DCT: variants seen among roughly 807,000 people sequenced by gnomAD.
DCT encodes the protein L-dopachrome tautomerase.
A neutral mutation model predicts 53.0 loss-of-function variants in DCT; 47 were observed. That is an observed-to-expected ratio of 0.89 (90% CI 0.70 to 1.13). The LOEUF (loss-of-function observed/expected upper bound fraction) is 1.13, where lower values mean the gene tolerates loss of function less well. Among genes scored for constraint, DCT ranks in the 50% most tolerant of loss-of-function variants. DCT has a pLI of 0.00. For missense variants in DCT, 669 were observed against 637.4 expected, an observed-to-expected ratio of 1.05 and a Z score of -0.53; for synonymous variants, 244 against 237.0, an observed-to-expected ratio of 1.03 and a Z score of -0.27.
the DCT span, among the ~76,000 whole-genome samples, chr13:94,502,794 ACT>A: frequency 7.2e-3 from 1,096 of 151,550 alleles, 9 homozygotes; most frequent in South Asian, 0.055. Context: ...TCCTCGCTGC[ACT>A]CTCTCCGAAA....
chr13:94,547,570 C>G, the DCT span, among the ~76,000 whole-genome samples: 2 of 152,060 alleles, frequency 1.3e-5, no homozygotes, highest in African/African-American at 2.4e-5. Flanking sequence ...CTAACATTAC[C>G]TTGGGCAGAG....
At chr13:94,474,333 G>C (rs965709067) in intron 1 of DCT, among the ~76,000 whole-genome samples, 1 of 152,118 alleles carries the variant, frequency 6.6e-6, no homozygotes, top group Non-Finnish European at 1.5e-5. Flanking sequence ...AAAGCCATTA[G>C]ACTAAATAAG....
At chr13:94,491,937 C>T in the DCT span, among the ~76,000 whole-genome samples, 1 of 152,296 alleles carries the variant, frequency 6.6e-6, no homozygotes, top group African/African-American at 2.4e-5. Context: ...CCAATACTCT[C>T]AAGTGAGAAA....
intron 6 of DCT, among the ~76,000 whole-genome samples, chr13:94,458,201 T>C (rs1188757494): frequency 6.6e-6 from 1 of 152,096 alleles, no homozygotes; most frequent in African/African-American, 2.4e-5. Context: ...TACCCACTCA[T>C]AGAATCAGGA....
At chr13:94,469,812 C>T (rs1884514735) in intron 1 of DCT, among the ~76,000 whole-genome samples, 1 of 152,158 alleles carries the variant, frequency 6.6e-6, no homozygotes, top group East Asian at 1.9e-4. Context: ...CGGTGGCTCA[C>T]GCCTGTAATC....
upstream of DCT, among the ~76,000 whole-genome samples, chr13:94,481,304 T>C (rs901477336): frequency 6.6e-6 from 1 of 152,184 alleles, no homozygotes; most frequent in African/African-American, 2.4e-5. Context: ...GGACATATCT[T>C]TTGGGGAAGT....
At chr13:94,522,500 T>TTATA in the DCT span, among the ~76,000 whole-genome samples, 407 of 151,604 alleles carry the variant, frequency 2.7e-3, no homozygotes, top group African/African-American at 9.6e-3. Context: ...AAATTCCCCT[T>TTATA]TATATATATA....
the DCT span, among the ~76,000 whole-genome samples, chr13:94,511,983 C>T: frequency 2.2e-3 from 338 of 152,246 alleles, no homozygotes; most frequent in Middle Eastern, 3.4e-3. Context: ...TCCACCTCCA[C>T]CTCCTGAGTA....
At chr13:94,511,825 AGTGTGTGTGTGTGTGTGTGTGT>A in the DCT span, among the ~76,000 whole-genome samples, 4 of 143,816 alleles carry the variant, frequency 2.8e-5, no homozygotes, top group South Asian at 2.2e-4. Context: ...CAGCATTGTC[AGTGTGTGTGTGTGTGTGTGTGT>A]GTGTGTGTGT....
At chr13:94,465,971 TATATATATATATATATATATATA>T (rs1566840513) in intron 3 of DCT, among the ~76,000 whole-genome samples, 172 bp from the exon 4 acceptor site, 2 of 2,590 alleles carry the variant, frequency 7.7e-4, no homozygotes, top group Non-Finnish European at 1.8e-3. Context: ...GTATATTTTA[TATATATATATATATATATATATA>T]TATATATATA....
chr13:94,498,471 A>T, the DCT span, among the ~76,000 whole-genome samples: 1 of 152,196 alleles, frequency 6.6e-6, no homozygotes, highest in East Asian at 1.9e-4. Flanking sequence ...GCCCTCATGA[A>T]TGGGGTTAGT....
At chr13:94,476,692 T>G (rs1051810307) in intron 1 of DCT, among the ~76,000 whole-genome samples, 2 of 152,116 alleles carry the variant, frequency 1.3e-5, no homozygotes, top group Admixed American at 1.3e-4. Context: ...GCTAGGCTGG[T>G]GTTGAACTCC....
chr13:94,506,252 G>A, the DCT span, among the ~76,000 whole-genome samples: 4 of 152,186 alleles, frequency 2.6e-5, no homozygotes, highest in South Asian at 2.1e-4. Flanking sequence ...CCAGCTCTTC[G>A]TTTCTAAATA....
At chr13:94,464,618 G>A (rs1377661553) in intron 4 of DCT, among the ~76,000 whole-genome samples, 4 of 151,514 alleles carry the variant, frequency 2.6e-5, no homozygotes, top group Non-Finnish European at 5.9e-5. Context: ...CCAGCCTGGT[G>A]ACAGAGTGAG....
intron 6 of DCT, among the ~76,000 whole-genome samples, chr13:94,452,034 C>G (rs1166912413): frequency 6.7e-6 from 1 of 148,194 alleles, no homozygotes; most frequent in Non-Finnish European, 1.5e-5. Context: ...AGATGCTGGA[C>G]TTCACTTTTT....
chr13:94,484,602 G>A (rs886637249), upstream of DCT, among the ~76,000 whole-genome samples: 1 of 152,188 alleles, frequency 6.6e-6, no homozygotes, highest in African/African-American at 2.4e-5. Flanking sequence ...CATGGGCAGG[G>A]TTGGATTCGT....
At position 94,439,093 on chromosome 13, in the gene DCT, C is replaced by T. The variant is rs9516413; in HGVS notation, c.*805G>A. 118,949 of 155,282 alleles carry T rather than the reference C, an allele frequency of 0.77. 46,702 individuals are homozygous for T. The highest frequency in any genetic ancestry group is 0.81 in the African/African-American group (33,766 of 41,506). The allele number at this position is 155,282 out of a possible 1,614,324, so 9.6% of individuals were successfully genotyped here. On this transcript the variant is annotated 3_prime_UTR_variant, in exon 8 of 8. Coordinates refer to ENST00000377028, the MANE Select transcript of DCT (RefSeq NM_001922.5). ...GTATTTGTTAATAGGTTTACAGTAGCATATCAACTAACCAGGAAACTCTAT... is the reference window on the plus strand; with the variant it reads ...GTATTTGTTAATAGGTTTACAGTAGTATATCAACTAACCAGGAAACTCTAT...
intron 1 of DCT, among the ~76,000 whole-genome samples, chr13:94,470,808 C>A (rs1884596924): frequency 6.6e-6 from 1 of 152,198 alleles, no homozygotes; most frequent in South Asian, 2.1e-4. Flanking sequence ...TACTTCCTTG[C>A]ACCTCATACA....
chr13:94,470,414 T>C (rs933618855), intron 1 of DCT, among the ~76,000 whole-genome samples: 1 of 152,228 alleles, frequency 6.6e-6, no homozygotes, highest in Non-Finnish European at 1.5e-5. Flanking sequence ...GTTTACATCC[T>C]TGTAGCTTGC....
Sources: gnomAD v4.1 joint callset for allele counts (sites outside exome capture counted in the v4.1 genomes callset) on GRCh38, gnomAD v4.1.1 for gene constraint, MANE v1.5 for transcripts, NCBI Gene and HGNC (gene_info 2026-07-23, HGNC 2026-07-21) for gene names.